The following TJP3 variants were observed in gnomAD, a reference collection of about 807,000 sequenced individuals.
The protein encoded by TJP3 is tight junction protein ZO-3.
TJP3 carries 85 observed loss-of-function variants against 104.2 expected under a neutral mutation model. That is an observed-to-expected ratio of 0.82 (90% CI 0.68 to 0.98). The LOEUF (loss-of-function observed/expected upper bound fraction) is 0.98. TJP3 is among the 50% of genes least tolerant of loss of function. The pLI is 0.00. For synonymous variants in TJP3, 550 were observed against 550.6 expected (o/e 1.00, Z 0.02); for missense variants, 1,367 against 1,322.8 (o/e 1.03, Z -0.52).
chr19:3,726,324 G>A (rs1185204310), intron 1 of TJP3, among the ~76,000 whole-genome samples: 1 of 152,252 alleles, frequency 6.6e-6, no homozygotes, highest in Admixed American at 6.5e-5. Context: ...TCTGCCTGGT[G>A]TGGAGGCTCA....
At chr19:3,731,563 G>T (rs1290779476) in intron 5 of TJP3, among the ~76,000 whole-genome samples, 1 of 152,130 alleles carries the variant, frequency 6.6e-6, no homozygotes, top group African/African-American at 2.4e-5. Flanking sequence ...AACCCGGGAG[G>T]TAGAGGTTGC....
intron 1 of TJP3, among the ~76,000 whole-genome samples, chr19:3,723,918 G>C (rs1568380023): frequency 2.0e-5 from 3 of 151,890 alleles, no homozygotes; most frequent in Admixed American, 6.6e-5. Context: ...GGTGGCATTT[G>C]AGCCTAGACC....
intron 1 of TJP3, among the ~76,000 whole-genome samples, chr19:3,726,869 T>G (rs1423514269): frequency 2.0e-5 from 3 of 151,244 alleles, no homozygotes; most frequent in Non-Finnish European, 4.4e-5. Flanking sequence ...GAGAATCACT[T>G]GAGCCTAGGA....
Position 3,747,920 on chromosome 19 carries a change from A to T in TJP3, c.2449A>T (p.Thr817Ser). Residue 817 changes from threonine (T) to serine (S), a missense_variant, in exon 19 of 21, where the codon ACG becomes TCG. Physicochemically the swap from Thr to Ser is moderately conservative, Grantham distance 58. Coordinates refer to ENST00000541714, the MANE Select transcript of TJP3 (RefSeq NM_001267560.2). Reference protein sequence around the residue: ...YETDGEGGAYTDGEGYTDGEG... With the variant: ...YETDGEGGAYSDGEGYTDGEG... ...GACGGACGGCGAGGGCGGCGCGTAC[A>T]CGGATGGCGAGGGCTACACAGACGG... is the stretch of plus-strand genomic sequence containing the variant. 3.7e-6 allele frequency: 6 copies of T among 1,613,204 alleles called. No individual in the cohort carries two copies. The highest frequency in any genetic ancestry group is 5.1e-6 in the Non-Finnish European group (6 of 1,179,910).
intron 1 of TJP3, among the ~76,000 whole-genome samples, chr19:3,712,232 C>A (rs1172621142): frequency 1.3e-5 from 2 of 152,164 alleles, no homozygotes; most frequent in African/African-American, 4.8e-5. Flanking sequence ...AGGAGAATTG[C>A]TTGAACCTGG....
rs767776356 is a variant in TJP3 at position 3,746,724 on chromosome 19, G to A, written c.2221+29G>A. ...GGGGGGTGGGTGTCCCAGGGTAGGCGGGTGGGCCCCAGCCTGAGTCTCCTG... is the reference window on the plus strand; with the variant it reads ...GGGGGGTGGGTGTCCCAGGGTAGGCAGGTGGGCCCCAGCCTGAGTCTCCTG... On this transcript the variant is annotated intron_variant, in intron 17 of 20. Transcript: ENST00000541714. This position sits in a 1 kb window ranked among gnomAD's most constrained non-coding sequence, Gnocchi z 4.1. 28 of 1,601,654 alleles carry A rather than the reference G, an allele frequency of 1.7e-5. No homozygotes were observed. Among genetic ancestry groups the A allele is most frequent in the East Asian group, 6.8e-5 (3 of 44,326 alleles).
At chr19:3,722,586 C>CG (rs2036552060) in intron 1 of TJP3, among the ~76,000 whole-genome samples, 1 of 30,990 alleles carries the variant, frequency 3.2e-5, no homozygotes, top group Non-Finnish European at 7.0e-5. Context: ...GGGGGCGGGG[C>CG]GGGGGGCGAT....
chr19:3,726,128 C>A lies in TJP3; in HGVS notation c.-9-2296C>A, dbSNP rs573181455. On this transcript the variant is annotated intron_variant, in intron 1 of 20. Transcript: ENST00000541714. ...ACCCGCTGTGCCAAGCCTAGAAAAC[C>A]CGCCCCGGGGAGGAGGAGGAGTCAC... 5.3e-5 allele frequency among the ~76,000 whole-genome samples: 8 copies of A among 152,356 alleles called. No individual in the cohort carries two copies. In the South Asian group the frequency reaches 1.7e-3, roughly 32 times the overall value.
At chr19:3,715,310 C>T (rs759654385) in intron 1 of TJP3, among the ~76,000 whole-genome samples, 10 of 152,040 alleles carry the variant, frequency 6.6e-5, no homozygotes, top group South Asian at 2.1e-4. Context: ...AGGATGGTCT[C>T]GATCTCCTGA....
At chr19:3,724,443 C>T (rs960277231) in intron 1 of TJP3, among the ~76,000 whole-genome samples, 2 of 152,242 alleles carry the variant, frequency 1.3e-5, no homozygotes, top group Non-Finnish European at 2.9e-5. Context: ...GGTCTGCCTG[C>T]CTCAGCCTCC....
chr19:3,719,057 G>A (rs952814181), intron 1 of TJP3, among the ~76,000 whole-genome samples: 2 of 151,852 alleles, frequency 1.3e-5, no homozygotes, highest in Non-Finnish European at 2.9e-5. Flanking sequence ...GGTGGCCGGC[G>A]CCTGTAGTCC....
chr19:3,724,490 C>T (rs1158428913), intron 1 of TJP3, among the ~76,000 whole-genome samples: 2 of 152,162 alleles, frequency 1.3e-5, no homozygotes, highest in East Asian at 1.9e-4. Flanking sequence ...CCACTGTGCC[C>T]GGGCAGGGCT....
chr19:3,715,814 T>TC (rs1264409137), intron 1 of TJP3, among the ~76,000 whole-genome samples: 2 of 152,136 alleles, frequency 1.3e-5, no homozygotes, highest in African/African-American at 4.8e-5. Flanking sequence ...GTCTCGCTCT[T>TC]GTCATCCAGG....
At chr19:3,710,486 A>G (rs1208186229) in intron 1 of TJP3, among the ~76,000 whole-genome samples, 1 of 152,176 alleles carries the variant, frequency 6.6e-6, no homozygotes, top group Non-Finnish European at 1.5e-5. Context: ...CAGCATCTCG[A>G]GAAAGTCCTG....
rs928798236 is a variant in TJP3 at position 3,747,828 on chromosome 19, C to T, written c.2357C>T (p.Pro786Leu). The T allele has an allele frequency of 1.2e-6, 2 of 1,607,242 alleles. No individual in the cohort carries two copies. Among genetic ancestry groups the T allele is most frequent in the Non-Finnish European group, 1.7e-6 (2 of 1,178,898 alleles). The part of the protein sequence containing the change: ...DGSLEDNLDL[P>L]HHGLADSSAD... ...TCCTTGGAGGACAACCTAGACCTCC[C>T]TCACCACGGCCTGGCCGACAGCTCC... Residue 786 changes from proline to leucine, a missense_variant, in exon 19 of 21, where the codon CCT (proline) becomes CTT (leucine). Pro to Leu is a moderately conservative substitution (Grantham distance 98, BLOSUM62 -3). Transcript: ENST00000541714.
intron 13 of TJP3, among the ~76,000 whole-genome samples, chr19:3,739,926 A>G (rs1350177278): frequency 6.6e-6 from 1 of 151,994 alleles, no homozygotes; most frequent in African/African-American, 2.4e-5. Flanking sequence ...ATCCACCTCA[A>G]TAGCATCAGT....
chr19:3,743,115 T>G (rs532653897), intron 14 of TJP3, among the ~76,000 whole-genome samples: 1 of 151,480 alleles, frequency 6.6e-6, no homozygotes, highest in Non-Finnish European at 1.5e-5. Context: ...AATACAAAAA[T>G]TAGCCAGGCA....
At chr19:3,741,833 G>T (rs1024864773) in intron 14 of TJP3, among the ~76,000 whole-genome samples, 1 of 151,344 alleles carries the variant, frequency 6.6e-6, no homozygotes, top group Admixed American at 6.6e-5. Flanking sequence ...AGCTGGGCAT[G>T]GTGGCAGGTG....
chr19:3,717,822 T>C (rs2036495586), intron 1 of TJP3, among the ~76,000 whole-genome samples: 1 of 151,256 alleles, frequency 6.6e-6, no homozygotes, highest in African/African-American at 2.4e-5. Context: ...TGACCATGAC[T>C]TACTGCAGCC....
Sources: gnomAD v4.1 joint callset for allele counts (sites outside exome capture counted in the v4.1 genomes callset) on GRCh38, gnomAD v4.1.1 for gene constraint, Gnocchi (gnomAD v3.1) non-coding constraint, MANE v1.5 for transcripts, NCBI Gene and HGNC (gene_info 2026-07-23, HGNC 2026-07-21) for gene names.